The following ADAMTSL1 variants were observed in gnomAD, a reference collection of about 807,000 sequenced individuals.
The protein encoded by ADAMTSL1 is ADAMTS-like protein 1.
In ADAMTSL1, 126 loss-of-function variants were observed where a neutral mutation model predicts 201.8. The observed-to-expected ratio is 0.62, with a 90% CI of 0.54 to 0.72. ADAMTSL1 has a LOEUF of 0.72. Ranked by LOEUF, ADAMTSL1 falls within the 30% of genes least tolerant of loss-of-function variation. The probability of loss-of-function intolerance (pLI) is 0.00; values close to 1 mark genes in which losing one functional copy is unlikely to be tolerated. For missense variants in ADAMTSL1, 2,679 were observed against 2,277.8 expected (o/e 1.18, Z -3.59); for synonymous variants, 1,121 against 903.4 (o/e 1.24, Z -4.32).
At chr9:18,302,234 A>C (rs977412316) in intron 2 of ADAMTSL1, among the ~76,000 whole-genome samples, 1 of 152,114 alleles carries the variant, frequency 6.6e-6, no homozygotes, top group Non-Finnish European at 1.5e-5. Flanking sequence ...GGGGGCTCTC[A>C]GGTCACCTGG....
intron 1 of ADAMTSL1, among the ~76,000 whole-genome samples, chr9:17,957,213 C>G (rs773141660): frequency 6.6e-6 from 1 of 152,170 alleles, no homozygotes; most frequent in African/African-American, 2.4e-5. Context: ...CACAAACCCA[C>G]GTACCCTCAG....
At chr9:18,834,072 GT>G (rs990354156) in intron 23 of ADAMTSL1, among the ~76,000 whole-genome samples, 1 of 152,118 alleles carries the variant, frequency 6.6e-6, no homozygotes, top group South Asian at 2.1e-4. Flanking sequence ...CCAGCACCAT[GT>G]TTTTTGGTGA....
At chr9:18,445,301 GA>G (rs1218908342) in intron 2 of ADAMTSL1, among the ~76,000 whole-genome samples, 2 of 152,144 alleles carry the variant, frequency 1.3e-5, no homozygotes, top group Admixed American at 6.5e-5. Flanking sequence ...TATCCTTGGG[GA>G]AAAATTAAGA....
chr9:18,115,349 A>G (rs1033338891), intron 1 of ADAMTSL1, among the ~76,000 whole-genome samples: 2 of 152,154 alleles, frequency 1.3e-5, no homozygotes, highest in Admixed American at 6.5e-5. Flanking sequence ...GAAGGCAGGC[A>G]GGAAGGCAGG....
intron 2 of ADAMTSL1, among the ~76,000 whole-genome samples, chr9:18,183,324 T>A (rs1828584354): frequency 6.6e-6 from 1 of 152,200 alleles, no homozygotes; most frequent in Non-Finnish European, 1.5e-5. Flanking sequence ...GGTGTAGTGA[T>A]GATGTTTTAT....
intron 15 of ADAMTSL1, among the ~76,000 whole-genome samples, chr9:18,728,230 T>G (rs980275371): frequency 5.9e-5 from 9 of 152,128 alleles, no homozygotes; most frequent in African/African-American, 1.9e-4. Context: ...TGAAAGCATA[T>G]ATGATATGAC....
rs1249203796 is a variant in ADAMTSL1, at chr9:18,482,118, A to C, written c.63+7823A>C. 3.9e-5 allele frequency among the ~76,000 whole-genome samples: 6 copies of C among 152,376 alleles called. No individual in the cohort carries two copies. The East Asian group carries it at 1.2e-3, about 29-fold the overall frequency. ...GTTCTTATTAAAATAAATTAATTAC[A>C]ATAAGACCAAGATGACCTTGTGCAT... is the stretch of plus-strand genomic sequence containing the variant. On this transcript the variant is annotated intron_variant, in intron 1 of 28. Coordinates refer to ENST00000380548, the MANE Select transcript of ADAMTSL1 (RefSeq NM_001040272.6).
At chr9:18,179,834 T>G (rs934755862) in intron 2 of ADAMTSL1, among the ~76,000 whole-genome samples, 9 of 152,010 alleles carry the variant, frequency 5.9e-5, no homozygotes. Flanking sequence ...CTGAGAGATT[T>G]TGTCACCACC....
At chr9:17,939,738 C>A (rs941985400) in intron 1 of ADAMTSL1, among the ~76,000 whole-genome samples, 1 of 152,108 alleles carries the variant, frequency 6.6e-6, no homozygotes, top group African/African-American at 2.4e-5. Context: ...CTATATTAAA[C>A]ACTTGGGATA....
chr9:18,354,299 T>C (rs1188164372), intron 2 of ADAMTSL1, among the ~76,000 whole-genome samples: 1 of 152,040 alleles, frequency 6.6e-6, no homozygotes, highest in Admixed American at 6.6e-5. Context: ...TATAAATAAA[T>C]ATTATTGTAC....
chr9:18,353,484 A>G (rs1180815437), intron 2 of ADAMTSL1, among the ~76,000 whole-genome samples: 1 of 152,212 alleles, frequency 6.6e-6, no homozygotes, highest in Non-Finnish European at 1.5e-5. Context: ...ATTTTTTGGC[A>G]TAATCCATGA....
chr9:18,217,143 A>C (rs146009616), intron 2 of ADAMTSL1, among the ~76,000 whole-genome samples: 4 of 152,188 alleles, frequency 2.6e-5, no homozygotes, highest in African/African-American at 7.2e-5. Context: ...TTATCTCTCT[A>C]GAGAAGCATT....
chr9:18,415,010 A>G (rs1379394846), intron 2 of ADAMTSL1, among the ~76,000 whole-genome samples: 2 of 152,216 alleles, frequency 1.3e-5, no homozygotes, highest in Non-Finnish European at 2.9e-5. Context: ...CAATCTAAAT[A>G]CAACTCTGGC....
At chr9:18,587,691 C>A (rs1269880551) in intron 4 of ADAMTSL1, among the ~76,000 whole-genome samples, 1 of 152,100 alleles carries the variant, frequency 6.6e-6, no homozygotes, top group Admixed American at 6.6e-5. Context: ...CTATCTCAAA[C>A]AGATCCACTT....
intron 2 of ADAMTSL1, among the ~76,000 whole-genome samples, chr9:18,209,146 A>G (rs905765369): frequency 1.3e-5 from 2 of 152,170 alleles, no homozygotes; most frequent in African/African-American, 4.8e-5. Context: ...ATTTGCAAGA[A>G]CATTATACAA....
At chr9:17,913,663 A>G (rs1825976089) in intron 1 of ADAMTSL1, among the ~76,000 whole-genome samples, 1 of 152,210 alleles carries the variant, frequency 6.6e-6, no homozygotes, top group Non-Finnish European at 1.5e-5. Context: ...GCAAGAAATA[A>G]CTAAAATCAG....
At chr9:18,647,281 T>C (rs1235067603) in intron 7 of ADAMTSL1, among the ~76,000 whole-genome samples, 5 of 152,112 alleles carry the variant, frequency 3.3e-5, no homozygotes, top group Non-Finnish European at 7.4e-5. Context: ...TCTCTCTTTT[T>C]TTCTTTATTA....
intron 2 of ADAMTSL1, among the ~76,000 whole-genome samples, chr9:18,376,799 C>A (rs1837316208): frequency 6.6e-6 from 1 of 151,842 alleles, no homozygotes. Flanking sequence ...GAAAGAGACA[C>A]TGTCTCAAAA....
At chr9:18,292,772 G>C (rs1190998216) in intron 2 of ADAMTSL1, among the ~76,000 whole-genome samples, 4 of 152,174 alleles carry the variant, frequency 2.6e-5, no homozygotes, top group Admixed American at 6.5e-5. Flanking sequence ...CAGATTGAAG[G>C]CTGAACTGTT....
Sources: allele counts gnomAD v4.1 joint callset (sites outside exome capture counted in the v4.1 genomes callset), GRCh38; gene constraint gnomAD v4.1.1; transcripts MANE v1.5; gene names NCBI Gene and HGNC (gene_info 2026-07-23, HGNC 2026-07-21).